Variants in LPP observed in about 807,000 individuals in gnomAD.
LPP encodes the protein LIM domain containing preferred translocation partner in lipoma.
LPP carries 38 observed loss-of-function variants against 60.4 expected under a neutral mutation model. That is an observed-to-expected ratio of 0.63 (90% CI 0.49 to 0.83). LPP has a LOEUF of 0.83. Among genes scored for constraint, LPP ranks in the 40% least tolerant of loss-of-function variants. The probability of loss-of-function intolerance (pLI) is 0.00; values close to 1 mark genes in which losing one functional copy is unlikely to be tolerated. For synonymous variants in LPP, 328 were observed against 290.8 expected, an observed-to-expected ratio of 1.13 and a Z score of -1.30; for missense variants, 902 against 783.6, an observed-to-expected ratio of 1.15 and a Z score of -1.80.
At chr3:188,443,020 T>C (rs753361411) in intron 4 of LPP, among the ~76,000 whole-genome samples, 20 of 152,214 alleles carry the variant, frequency 1.3e-4, no homozygotes, top group Non-Finnish European at 2.8e-4. Context: ...CACAAATTTT[T>C]TTTCTGTTTT....
At chr3:188,173,161 G>A (rs1294872755) in intron 1 of LPP, among the ~76,000 whole-genome samples, 6 of 152,074 alleles carry the variant, frequency 3.9e-5, no homozygotes, top group Non-Finnish European at 4.4e-5. Context: ...AAGCCACCAC[G>A]CCTGGCCCAT....
chr3:188,684,503 C>G lies in LPP; in HGVS notation c.1114-23764C>G, dbSNP rs1300892826. ...TGTACTTGAAAACTCATAGGTGAGT[C>G]AGGTCCTTCACTGATAGCTTATAGC... is the stretch of plus-strand genomic sequence containing the variant. On this transcript the variant is annotated intron_variant, in intron 7 of 11. Coordinates refer to ENST00000617246, the MANE Select transcript of LPP (RefSeq NM_001375462.1). 3.3e-5 allele frequency among the ~76,000 whole-genome samples: 5 copies of G among 152,162 alleles called. 1 individual carries two copies. Among genetic ancestry groups the G allele is most frequent in the African/African-American group, 9.7e-5 (4 of 41,436 alleles).
At chr3:188,335,622 A>G (rs1761430322) in intron 2 of LPP, among the ~76,000 whole-genome samples, 1 of 152,012 alleles carries the variant, frequency 6.6e-6, no homozygotes, top group Non-Finnish European at 1.5e-5. Flanking sequence ...CATATTGTGA[A>G]TTATTTTCTT....
chr3:188,634,219 T>C (rs1031325563), intron 7 of LPP, among the ~76,000 whole-genome samples: 1 of 152,242 alleles, frequency 6.6e-6, no homozygotes, highest in Non-Finnish European at 1.5e-5. Context: ...AAATTAACTT[T>C]AGCATTGGAG....
At chr3:188,688,186 G>A (rs932754517) in intron 7 of LPP, among the ~76,000 whole-genome samples, 5 of 152,124 alleles carry the variant, frequency 3.3e-5, no homozygotes, top group South Asian at 2.1e-4. Context: ...TTTAGATGAC[G>A]GAATTTGGCA....
intron 8 of LPP, among the ~76,000 whole-genome samples, chr3:188,750,778 C>G (rs1229103465): frequency 2.6e-5 from 4 of 152,150 alleles, no homozygotes; most frequent in Admixed American, 2.6e-4. Flanking sequence ...TCATAGTTCT[C>G]CATCTGCAAA....
chr3:188,700,410 T>A (rs149399223), intron 7 of LPP, among the ~76,000 whole-genome samples: 88 of 152,286 alleles, frequency 5.8e-4, no homozygotes, highest in African/African-American at 2.1e-3. Flanking sequence ...GTAAATTGGA[T>A]CCTTAGCACA....
intron 2 of LPP, among the ~76,000 whole-genome samples, chr3:188,281,708 C>T (rs1742134904): frequency 1.3e-5 from 2 of 149,986 alleles, no homozygotes; most frequent in Non-Finnish European, 1.5e-5. Flanking sequence ...AAACTCCTTT[C>T]TCCTCCCCCA....
At chr3:188,638,542 G>A (rs1342787328) in intron 7 of LPP, among the ~76,000 whole-genome samples, 4 of 147,516 alleles carry the variant, frequency 2.7e-5, no homozygotes, top group Non-Finnish European at 6.0e-5. Context: ...AGGAAATAAA[G>A]GGTATTCAAT....
chr3:188,492,553 C>A (rs1160811770), intron 5 of LPP, among the ~76,000 whole-genome samples: 4 of 151,892 alleles, frequency 2.6e-5, no homozygotes, highest in African/African-American at 9.7e-5. Context: ...AAAATTTGCT[C>A]TGTGTGGTCG....
intron 6 of LPP, among the ~76,000 whole-genome samples, chr3:188,551,253 G>C (rs1828047527): frequency 6.6e-6 from 1 of 152,134 alleles, no homozygotes; most frequent in South Asian, 2.1e-4. Flanking sequence ...CGATGCAAAA[G>C]CAGAAACCCC....
At chr3:188,295,696 G>A (rs1747646173) in intron 2 of LPP, among the ~76,000 whole-genome samples, 1 of 152,124 alleles carries the variant, frequency 6.6e-6, no homozygotes, top group African/African-American at 2.4e-5. Context: ...GCACCACTGT[G>A]CCCACCTACA....
chr3:188,609,894 G>A lies in LPP; in HGVS notation c.1113+50G>A, dbSNP rs1244794557. 6.5e-7 allele frequency: 1 copy of A among 1,532,636 alleles called. No homozygotes were observed. The highest frequency in any genetic ancestry group is 1.4e-5 in the African/African-American group (1 of 72,162). 94.9% of individuals were successfully genotyped at this position (1,532,636 alleles called of 1,614,324 possible). On this transcript the variant is annotated intron_variant, in intron 7 of 11. Transcript: ENST00000617246. The surrounding 1 kb of genome is among the most constrained non-coding windows in gnomAD (Gnocchi z 6.9). ...GGAGAATACAGGGGTGCCTATCTTA[G>A]TCTGCCTTCCCCAGGAAGCGAAGCC...
At chr3:188,568,229 A>G (rs1832659850) in intron 6 of LPP, 1 of 152,032 alleles carries the variant, frequency 6.6e-6, no homozygotes, top group South Asian at 2.1e-4. Context: ...TTATTGAGCA[A>G]CTTGTAGGTT....
chr3:188,753,740 T>G (rs1577351595), intron 8 of LPP, among the ~76,000 whole-genome samples: 1 of 152,076 alleles, frequency 6.6e-6, no homozygotes, highest in Admixed American at 6.6e-5. Context: ...GTGGCAGTCA[T>G]TGATCCTTTT....
At chr3:188,848,964 C>CA (rs58073326) in intron 9 of LPP, among the ~76,000 whole-genome samples, 20,738 of 119,298 alleles carry the variant, frequency 0.17, 1,629 homozygotes, top group East Asian at 0.32. Context: ...GACTCTGTCT[C>CA]AAAAAAAAAA....
In LPP at chr3:188,853,075, G is replaced by C. The variant is rs191132809; in HGVS notation, c.1411-13125G>C. Among the ~76,000 whole-genome samples, 341 of 152,208 alleles carry C rather than the reference G, an allele frequency of 2.2e-3. 2 individuals are homozygous for C. Among genetic ancestry groups the C allele is most frequent in the African/African-American group, 8.0e-3 (331 of 41,536 alleles). On this transcript the variant is annotated intron_variant, in intron 9 of 11. Coordinates refer to ENST00000617246, the MANE Select transcript of LPP (RefSeq NM_001375462.1). The stretch of plus-strand genomic sequence containing the variant: ...TGAGGCAGGAGAATCGCTTGAACCC[G>C]GGAAGTGGAGGTTGCAGTGAGCCGA...
chr3:188,701,855 A>C (rs1864475427), intron 7 of LPP, among the ~76,000 whole-genome samples: 1 of 151,818 alleles, frequency 6.6e-6, no homozygotes, highest in Admixed American at 6.6e-5. Context: ...CCCATTTTTA[A>C]ATCTCATAAT....
chr3:188,609,228 T>A lies in LPP; in HGVS notation c.497T>A (p.Ile166Asn), dbSNP rs200177439. ...TPVTGHKRMV[I>N]PNQPPLTATK... ...GTCACAGGACACAAGAGAATGGTCA[T>A]CCCGAACCAACCCCCTCTAACAGCA... Residue 166 changes from isoleucine (I) to asparagine (N), a missense_variant, in exon 7 of 12, where the codon ATC becomes AAC. Physicochemically the swap from Ile to Asn is moderately radical, Grantham distance 149 (BLOSUM62 -3). Transcript: ENST00000617246. This position sits in a 1 kb window ranked among gnomAD's most constrained non-coding sequence, Gnocchi z 6.9. 6.2e-7 allele frequency: 1 copy of A among 1,613,984 alleles called. No homozygotes were observed. The highest frequency in any genetic ancestry group is 8.5e-7 in the Non-Finnish European group (1 of 1,179,982).
Sources: gnomAD v4.1 joint callset for allele counts (sites outside exome capture counted in the v4.1 genomes callset) on GRCh38, gnomAD v4.1.1 for gene constraint, Gnocchi (gnomAD v3.1) non-coding constraint, MANE v1.5 for transcripts, NCBI Gene and HGNC (gene_info 2026-07-23, HGNC 2026-07-21) for gene names.